The following IQCM variants were observed in gnomAD, a reference collection of about 807,000 sequenced individuals.
IQCM encodes IQ motif containing M.
In IQCM, 45 loss-of-function variants were observed where a neutral mutation model predicts 57.6. The observed-to-expected ratio is 0.78, with a 90% CI of 0.62 to 1.00. The LOEUF (loss-of-function observed/expected upper bound fraction) is 1.00. IQCM is among the 50% of genes least tolerant of loss of function. IQCM has a pLI of 0.00. For synonymous variants in IQCM, 148 were observed against 158.9 expected (o/e 0.93, Z 0.51); for missense variants, 468 against 511.6 (o/e 0.91, Z 0.82).
intron 12 of IQCM, among the ~76,000 whole-genome samples, chr4:149,487,752 C>T (rs931477404): frequency 1.6e-4 from 25 of 152,272 alleles, no homozygotes; most frequent in African/African-American, 4.8e-4. Flanking sequence ...AGTCACTGCA[C>T]TCTCCTTCCT....
At chr4:149,762,409 A>G (rs1214147951) in intron 2 of IQCM, among the ~76,000 whole-genome samples, 2 of 151,330 alleles carry the variant, frequency 1.3e-5, no homozygotes, top group East Asian at 3.9e-4. Context: ...AATTGTATCT[A>G]AAAGCTTGAA....
chr4:149,549,967 AT>A (rs1748867483), intron 11 of IQCM, among the ~76,000 whole-genome samples: 1 of 152,206 alleles, frequency 6.6e-6, no homozygotes, highest in African/African-American at 2.4e-5. Flanking sequence ...ATTTATGGCT[AT>A]TTGTCTCTTT....
At chr4:149,762,582 G>T (rs1386249912) in intron 2 of IQCM, among the ~76,000 whole-genome samples, 2 of 151,990 alleles carry the variant, frequency 1.3e-5, no homozygotes, top group African/African-American at 4.8e-5. Context: ...AAAAGGCATT[G>T]TGATCTCCTA....
intron 2 of IQCM, among the ~76,000 whole-genome samples, chr4:149,748,337 CTTACA>C (rs918815080): frequency 1.8e-4 from 27 of 152,228 alleles, no homozygotes; most frequent in African/African-American, 5.8e-4. Flanking sequence ...TGCATGGACA[CTTACA>C]TTAATTAAGA....
In IQCM at chr4:149,672,587, A is replaced by C. The variant is rs147980316; in HGVS notation, c.565+9531T>G. Among the ~76,000 whole-genome samples, 1,355 of 152,270 alleles carry C rather than the reference A, an allele frequency of 8.9e-3. 17 individuals are homozygous for C. Among genetic ancestry groups the C allele is most frequent in the African/African-American group, 0.03 (1,262 of 41,568 alleles). On this transcript the variant is annotated intron_variant, in intron 7 of 13. Transcript: ENST00000636793. ...AGAGAAGTTTAGAGAAAAAAGAGTA[A>C]AAAGAAACTAACAAAGCCCTCAAGA...
intron 12 of IQCM, among the ~76,000 whole-genome samples, chr4:149,473,139 C>A (rs1485622609): frequency 1.3e-5 from 2 of 152,098 alleles, no homozygotes; most frequent in Non-Finnish European, 2.9e-5. Flanking sequence ...TAATTAAACT[C>A]AAGAGCTTCT....
intron 5 of IQCM, among the ~76,000 whole-genome samples, chr4:149,706,762 G>A (rs1417051763): frequency 6.6e-6 from 1 of 151,858 alleles, no homozygotes; most frequent in Non-Finnish European, 1.5e-5. Context: ...GTGGGTTCTG[G>A]TCTTCTCTTT....
At chr4:149,421,257 G>T (rs1305779123) in intron 13 of IQCM, among the ~76,000 whole-genome samples, 1 of 151,882 alleles carries the variant, frequency 6.6e-6, no homozygotes, top group Admixed American at 6.6e-5. Flanking sequence ...CATGAATGAA[G>T]ATTTGAACCT....
At chr4:149,471,856 A>C (rs1739593308) in intron 12 of IQCM, among the ~76,000 whole-genome samples, 1 of 152,178 alleles carries the variant, frequency 6.6e-6, no homozygotes, top group Admixed American at 6.5e-5. Context: ...TATAAACAGA[A>C]CCAAAGACAA....
chr4:149,681,053 C>G (rs748908214), intron 7 of IQCM, among the ~76,000 whole-genome samples: 2 of 151,192 alleles, frequency 1.3e-5, no homozygotes, highest in Non-Finnish European at 3.0e-5. Context: ...GTTCATAAAC[C>G]TTTTGATCAT....
chr4:149,799,285 G>T (rs944916917), intron 2 of IQCM, among the ~76,000 whole-genome samples: 2 of 151,414 alleles, frequency 1.3e-5, no homozygotes, highest in African/African-American at 2.4e-5. Flanking sequence ...ATTGAAAAAG[G>T]TCTTGAAAAA....
At chr4:149,441,502 C>T (rs1033482337) in intron 12 of IQCM, among the ~76,000 whole-genome samples, 1 of 152,168 alleles carries the variant, frequency 6.6e-6, no homozygotes, top group African/African-American at 2.4e-5. Flanking sequence ...CTGTGGTTTT[C>T]AGCTCTGCCT....
At chr4:149,569,112 A>C (rs1443062376) in intron 9 of IQCM, among the ~76,000 whole-genome samples, 1 of 152,204 alleles carries the variant, frequency 6.6e-6, no homozygotes, top group African/African-American at 2.4e-5. Context: ...CACATGGGGA[A>C]GAGAGAAGTT....
intron 7 of IQCM, among the ~76,000 whole-genome samples, chr4:149,649,295 G>A (rs1758944899): frequency 6.6e-6 from 1 of 152,002 alleles, no homozygotes; most frequent in South Asian, 2.1e-4. Flanking sequence ...CTGGCTTAAT[G>A]CAGCGAGGGT....
chr4:149,585,579 T>C (rs1213696421), intron 9 of IQCM, among the ~76,000 whole-genome samples: 1 of 151,698 alleles, frequency 6.6e-6, no homozygotes, highest in East Asian at 1.9e-4. Context: ...CACTCTTTCA[T>C]ATTTCTCTCT....
intron 13 of IQCM, among the ~76,000 whole-genome samples, chr4:149,384,882 G>A (rs1455717430): frequency 6.6e-6 from 1 of 151,800 alleles, no homozygotes; most frequent in African/African-American, 2.4e-5. Context: ...AAAACATTAA[G>A]AATTTCCTCA....
At chr4:149,632,614 G>A (rs1757364965) in intron 7 of IQCM, among the ~76,000 whole-genome samples, 1 of 152,064 alleles carries the variant, frequency 6.6e-6, no homozygotes, top group Non-Finnish European at 1.5e-5. Context: ...CAAAAACAAA[G>A]GGATGATTAC....
chr4:149,490,467 G>A (rs1363858269), intron 12 of IQCM, among the ~76,000 whole-genome samples: 2 of 151,884 alleles, frequency 1.3e-5, no homozygotes, highest in African/African-American at 4.8e-5. Context: ...TTATTTCTAA[G>A]ATAGAACTTC....
chr4:149,621,109 C>T lies in IQCM; in HGVS notation c.681+20G>A, dbSNP rs1201963353. The stretch of plus-strand genomic sequence containing the variant: ...GAAAAATGGCAATTCAAATCTACAT[C>T]CAGTTTTATAAATACTTACAGAATA... On this transcript the variant is annotated intron_variant, in intron 8 of 13. Coordinates refer to ENST00000636793, the MANE Select transcript of IQCM (RefSeq NM_001363507.2). The T allele has an allele frequency of 9.0e-7, 1 of 1,105,632 alleles. No individual in the cohort carries two copies. The highest frequency in any genetic ancestry group is 3.2e-5 in the East Asian group (1 of 31,076). 68.5% of individuals were successfully genotyped at this position (1,105,632 alleles called of 1,614,324 possible).
Sources: gnomAD v4.1 joint callset for allele counts (sites outside exome capture counted in the v4.1 genomes callset) on GRCh38, gnomAD v4.1.1 for gene constraint, MANE v1.5 for transcripts, NCBI Gene and HGNC (gene_info 2026-07-23, HGNC 2026-07-21) for gene names.